GZMB: variants seen among roughly 807,000 people sequenced by gnomAD.
GZMB encodes the protein T-cell serine protease 1-3E.
Under a neutral mutation model 24.2 loss-of-function variants are expected in GZMB, and 27 were observed. The ratio of observed to expected loss-of-function variants is 1.12; its 90% CI spans 0.82 to 1.54. The LOEUF (loss-of-function observed/expected upper bound fraction) is 1.54, where lower values mean the gene tolerates loss of function less well. GZMB is among the 40% of genes most tolerant of loss of function. The pLI, the probability that GZMB is intolerant of heterozygous loss-of-function variation, is 0.00. For missense variants in GZMB, 336 were observed against 310.1 expected, an observed-to-expected ratio of 1.08 and a Z score of -0.63; for synonymous variants, 121 against 115.1, an observed-to-expected ratio of 1.05 and a Z score of -0.33.
rs1222221952 is a variant in GZMB, at chr14:24,632,093, C to G, written c.365G>C (p.Arg122Thr). The change falls in exon 4 of 5, where the codon AGA (arginine) becomes ACA (threonine). Residue 122 changes from arginine to threonine, a missense_variant. Coordinates refer to ENST00000216341, the MANE Select transcript of GZMB (RefSeq NM_004131.6). ...AGGTAGCCTGAGGGGCTGCACAGCTCTGGTCCGCTTGGCCTTTCTCTCCAG... is the reference window on the plus strand; with the variant it reads ...AGGTAGCCTGAGGGGCTGCACAGCTGTGGTCCGCTTGGCCTTTCTCTCCAG... ...LQLERKAKRTRAVQPLRLPSN... is the reference protein window; with the variant it reads ...LQLERKAKRTTAVQPLRLPSN... 6.8e-6 allele frequency: 11 copies of G among 1,614,084 alleles called. No individual in the cohort carries two copies. The highest frequency in any genetic ancestry group is 2.2e-5 in the East Asian group (1 of 44,872).
chr14:24,632,378 G>A lies in GZMB; in HGVS notation c.285C>T (p.Ile95=). The A allele has an allele frequency of 6.2e-7, 1 of 1,612,132 alleles. No homozygotes were observed. Among genetic ancestry groups the A allele is most frequent in the Non-Finnish European group, 8.5e-7 (1 of 1,179,058 alleles). Residue 95 remains isoleucine, a synonymous_variant, in exon 3 of 5, where the codon ATC becomes ATT. Transcript: ENST00000216341. ...TCTTAGGATTATAGGCTGGATGGGG[G>A]ATGGGTCTTTTCACAGGGATAAACT... ...TQQFIPVKRP[I]PHPAYNPKNF... is the part of the protein sequence containing the mutation.
At position 24,631,077 on chromosome 14, in the gene GZMB, G is replaced by A; in HGVS notation, c.738C>T (p.Arg246=). Residue 246 remains arginine (R), a synonymous_variant, in exon 5 of 5, where the codon CGC becomes CGT. Coordinates refer to ENST00000216341, the MANE Select transcript of GZMB (RefSeq NM_004131.6). ...FVHWIKKTMK[R]Y ...CTTAGTTTGCTTCCTGTAGTTAGTA[G>A]CGTTTCATGGTTTTCTTTATCCAGT... 1.9e-6 allele frequency: 3 copies of A among 1,612,740 alleles called. No homozygotes were observed. The highest frequency in any genetic ancestry group is 2.5e-6 in the Non-Finnish European group (3 of 1,178,828).
In GZMB at chr14:24,632,419, G is replaced by A. The variant is rs1426954898; in HGVS notation, c.244C>T (p.Gln82Ter). ...VTLGAHNIKE[Q>*]EPTQQFIPVK... Reference sequence around the variant, plus strand: ...GGGATAAACTGCTGGGTCGGCTCCTGTTCTTTGATATTGTGGGCCCCCAAG... The same window carrying A: ...GGGATAAACTGCTGGGTCGGCTCCTATTCTTTGATATTGTGGGCCCCCAAG... Residue 82 changes from glutamine to a stop codon, truncating the protein, a stop_gained, in exon 3 of 5, where the codon CAG becomes TAG. Transcript: ENST00000216341. LOFTEE classifies it high-confidence loss of function. 1.2e-6 allele frequency: 2 copies of A among 1,613,432 alleles called. No individual in the cohort carries two copies. Among genetic ancestry groups the A allele is most frequent in the African/African-American group, 1.3e-5 (1 of 74,918 alleles).
chr14:24,631,178 C>T lies in GZMB; in HGVS notation c.637G>A (p.Ala213Thr). ...SGGPLVCNKV[A>T]QGIVSYGRNN... ...CGTCCATAGGAGACAATGCCCTGGG[C>T]CACCTTGTTACACACAAGAGGGCCT... is the stretch of plus-strand genomic sequence containing the variant. Residue 213 changes from alanine to threonine, a missense_variant, in exon 5 of 5, where the codon GCC (alanine) becomes ACC (threonine). Ala to Thr is a moderately conservative substitution (Grantham distance 58). Transcript: ENST00000216341. 1 of 1,613,406 alleles carries T rather than the reference C, an allele frequency of 6.2e-7. No individual in the cohort carries two copies. The highest frequency in any genetic ancestry group is 8.5e-7 in the Non-Finnish European group (1 of 1,179,442).
intron 4 of GZMB, 81 bp downstream of exon 4, chr14:24,631,777 C>A: frequency 3.6e-6 from 4 of 1,123,772 alleles, no homozygotes; most frequent in South Asian, 1.3e-5. Context: ...AGGAGTCCCC[C>A]ACTACTTGAG....
intron 1 of GZMB, chr14:24,633,894 A>T (rs1394561845): frequency 1.5e-6 from 1 of 648,582 alleles, no homozygotes; most frequent in African/African-American, 1.8e-5. Flanking sequence ...GGCTCTGGGG[A>T]AGGGATAGTA....
At position 24,632,899 on chromosome 14, in the gene GZMB, G is replaced by C. The variant is rs1346929988; in HGVS notation, c.203+16C>G. ...GAGTGTTTCCAGGAGGGTGTGGGCT[G>C]TTTTCTGCTCCTCACCTTCCCCAAC... On this transcript the variant is annotated intron_variant, in intron 2 of 4. Transcript: ENST00000216341. The C allele has an allele frequency of 1.2e-6, 2 of 1,607,072 alleles. No homozygotes were observed. Among genetic ancestry groups the C allele is most frequent in the Non-Finnish European group, 1.7e-6 (2 of 1,175,728 alleles).
At chr14:24,632,265 C>A (rs868705248) in intron 3 of GZMB, 59 bp downstream of exon 3, 139,137 of 1,289,484 alleles carry the variant, frequency 0.11, 18,240 homozygotes, top group African/African-American at 0.25. Flanking sequence ...GGCCGGCATT[C>A]CAGGGGGAGT....
intron 1 of GZMB, 124 bp from the exon 2 acceptor site, chr14:24,633,186 G>C: frequency 6.8e-7 from 1 of 1,463,932 alleles, no homozygotes; most frequent in Non-Finnish European, 9.0e-7. Context: ...GAGTGGCCTG[G>C]AGGAAGGGGC....
At position 24,632,005 on chromosome 14, in the gene GZMB, G is replaced by T. The variant is rs2066999454; in HGVS notation, c.453C>A (p.Ala151=). 6.2e-7 allele frequency: 1 copy of T among 1,614,038 alleles called. No homozygotes were observed. Among genetic ancestry groups the T allele is most frequent in the Admixed American group, 1.7e-5 (1 of 59,996 alleles). ...GTGTGTGTGAGTGTTTTCCCAGGGGGGCCGTCTGCCCCCAGCCGGCCACAC... is the reference window on the plus strand; with the variant it reads ...GTGTGTGTGAGTGTTTTCCCAGGGGTGCCGTCTGCCCCCAGCCGGCCACAC... ...TCSVAGWGQT[A]PLGKHSHTLQ... The change falls in exon 4 of 5, where the codon GCC becomes GCA. Residue 151 remains alanine (A), a synonymous_variant. Transcript: ENST00000216341.
chr14:24,631,209 G>T lies in GZMB; in HGVS notation c.606C>A (p.Asp202Glu). ...TGTTACACACAAGAGGGCCTCCAGAGTCCCCCTGTGAATAGAGAGTGGAAG... is the reference window on the plus strand; with the variant it reads ...TGTTACACACAAGAGGGCCTCCAGATTCCCCCTGTGAATAGAGAGTGGAAG... ...PEIKKTSFKG[D>E]SGGPLVCNKV... The change falls in exon 5 of 5, where the codon GAC becomes GAA. Residue 202 changes from aspartate to glutamate, a missense_variant. Asp to Glu is a conservative substitution (Grantham distance 45). Coordinates refer to ENST00000216341, the MANE Select transcript of GZMB (RefSeq NM_004131.6). 2 of 1,612,912 alleles carry T rather than the reference G, an allele frequency of 1.2e-6. No homozygotes were observed. The highest frequency in any genetic ancestry group is 1.7e-6 in the Non-Finnish European group (2 of 1,179,404).
intron 3 of GZMB, 97 bp downstream of exon 3, chr14:24,632,227 C>T: frequency 6.6e-7 from 1 of 1,506,746 alleles, no homozygotes; most frequent in Non-Finnish European, 9.1e-7. Context: ...AGGAACTAAC[C>T]AAGAGGCCAG....
chr14:24,632,938 C>A lies in GZMB; in HGVS notation c.180G>T (p.Leu60=), dbSNP rs771688554. Residue 60 remains leucine, a synonymous_variant, in exon 2 of 5, where the codon CTG becomes CTT. Transcript: ENST00000216341. ...GGFLIRDDFV[L]TAAHCWGSSI... is the part of the protein sequence containing the mutation. Reference sequence around the variant, plus strand: ...ACCTTCCCCAACAGTGAGCAGCTGTCAGCACGAAGTCGTCTCGTATCAGGA... The same window carrying A: ...ACCTTCCCCAACAGTGAGCAGCTGTAAGCACGAAGTCGTCTCGTATCAGGA... 1.2e-6 allele frequency: 2 copies of A among 1,612,974 alleles called. No homozygotes were observed. Among genetic ancestry groups the A allele is most frequent in the Non-Finnish European group, 1.7e-6 (2 of 1,179,414 alleles).
intron 2 of GZMB, 65 bp downstream of exon 2, chr14:24,632,850 G>C (rs9671454): frequency 0.2 from 299,220 of 1,515,882 alleles, 30,109 homozygotes; most frequent in South Asian, 0.24. Context: ...GGAGCTCCTT[G>C]GGAAGAAGGC....
chr14:24,632,066 C>T lies in GZMB; in HGVS notation c.392G>A (p.Ser131Asn). 1.2e-6 allele frequency: 2 copies of T among 1,614,216 alleles called. No individual in the cohort carries two copies. Among genetic ancestry groups the T allele is most frequent in the South Asian group, 1.1e-5 (1 of 91,084 alleles). The change falls in exon 4 of 5, where the codon AGC becomes AAC. Residue 131 changes from serine (S) to asparagine (N), a missense_variant. By Grantham distance (46) the Ser-to-Asn change is conservative. Coordinates refer to ENST00000216341, the MANE Select transcript of GZMB (RefSeq NM_004131.6). ...TRAVQPLRLP[S>N]NKAQVKPGQT... ...CCCTGGCTTCACCTGGGCCTTGTTG[C>T]TAGGTAGCCTGAGGGGCTGCACAGC...
Position 24,631,511 on chromosome 14 carries a change from A to G in GZMB, c.601-297T>C, listed in dbSNP as rs981786209. The G allele has an allele frequency of 3.7e-5, 20 of 544,016 alleles. No homozygotes were observed. In the South Asian group the frequency reaches 4.6e-4, roughly 13 times the overall value. The allele number at this position is 544,016 out of a possible 1,614,324, so 33.7% of individuals were successfully genotyped here. ...TGGGCAAGGAGGGCTGATGTCCACCATGGAGGACCAGCCCATTAACCACGT... is the reference window on the plus strand; with the variant it reads ...TGGGCAAGGAGGGCTGATGTCCACCGTGGAGGACCAGCCCATTAACCACGT... On this transcript the variant is annotated intron_variant, in intron 4 of 4. Coordinates refer to ENST00000216341, the MANE Select transcript of GZMB (RefSeq NM_004131.6).
At chr14:24,633,890 G>T (rs1177895589) in intron 1 of GZMB, 1 of 646,120 alleles carries the variant, frequency 1.5e-6, no homozygotes, top group South Asian at 1.7e-5. Flanking sequence ...GGTGGGCTCT[G>T]GGGAAGGGAT....
chr14:24,632,521 G>A, intron 2 of GZMB, 62 bp from the exon 3 acceptor site: 4 of 1,611,148 alleles, frequency 2.5e-6, no homozygotes, highest in Non-Finnish European at 3.4e-6. Context: ...CAGAGACAGT[G>A]AAGAGCAGGT....
In GZMB at chr14:24,631,153, C is replaced by A. The variant is rs763963542; in HGVS notation, c.662G>T (p.Arg221Leu). 1 of 1,612,966 alleles carries A rather than the reference C, an allele frequency of 6.2e-7. No homozygotes were observed. The highest frequency in any genetic ancestry group is 1.7e-5 in the Admixed American group (1 of 60,012). ...KVAQGIVSYG[R>L]NNGMPPRACT... ...GGCTCGTGGAGGCATGCCATTGTTTCGTCCATAGGAGACAATGCCCTGGGC... is the reference window on the plus strand; with the variant it reads ...GGCTCGTGGAGGCATGCCATTGTTTAGTCCATAGGAGACAATGCCCTGGGC... The change falls in exon 5 of 5, where the codon CGA becomes CTA. Residue 221 changes from arginine (R) to leucine (L), a missense_variant. Arg to Leu is a moderately radical substitution (Grantham distance 102). Coordinates refer to ENST00000216341, the MANE Select transcript of GZMB (RefSeq NM_004131.6).
Sources: gnomAD v4.1 joint callset for allele counts on GRCh38, gnomAD v4.1.1 for gene constraint, MANE v1.5 for transcripts, NCBI Gene and HGNC (gene_info 2026-07-23, HGNC 2026-07-21) for gene names.